PNPLA8: variants seen among roughly 807,000 people sequenced by gnomAD.
The protein encoded by PNPLA8 is patatin like domain 8, phospholipase A2.
In PNPLA8, 39 loss-of-function variants were observed where a neutral mutation model predicts 76.9. The ratio of observed to expected loss-of-function variants is 0.51; its 90% CI spans 0.39 to 0.66. PNPLA8 has a LOEUF of 0.66. PNPLA8 is among the 30% of genes least tolerant of loss of function. PNPLA8 has a pLI of 0.00. For missense variants in PNPLA8, 887 were observed against 918.0 expected, an observed-to-expected ratio of 0.97 and a Z score of 0.44; for synonymous variants, 301 against 307.9, an observed-to-expected ratio of 0.98 and a Z score of 0.24.
Position 108,472,030 on chromosome 7 carries a change from A to G in PNPLA8, c.*371T>C, listed in dbSNP as rs935637027. 3 of 154,806 alleles carry G rather than the reference A, an allele frequency of 1.9e-5. No homozygotes were observed. Among genetic ancestry groups the G allele is most frequent in the African/African-American group, 7.2e-5 (3 of 41,578 alleles). 9.6% of individuals were successfully genotyped at this position (154,806 alleles called of 1,614,324 possible). A position where few individuals can be genotyped will look rare whatever the true frequency, so the allele number is the denominator to read the frequency against. On this transcript the variant is annotated 3_prime_UTR_variant, in exon 11 of 11. Coordinates refer to ENST00000257694, the MANE Select transcript of PNPLA8 (RefSeq NM_001256007.3). ...TAAAATCAATGATCACATAAATTCA[A>G]CATGATTATGAGGACTAAAGTAAAA... is the stretch of plus-strand genomic sequence containing the variant.
At chr7:108,523,149 A>G (rs1467564163) in intron 1 of PNPLA8, among the ~76,000 whole-genome samples, 3 of 152,244 alleles carry the variant, frequency 2.0e-5, no homozygotes, top group Non-Finnish European at 4.4e-5. Context: ...GGCTGGGACC[A>G]AACACTTAGA....
chr7:108,482,493 A>T (rs1239915643), intron 9 of PNPLA8, among the ~76,000 whole-genome samples: 2 of 152,198 alleles, frequency 1.3e-5, no homozygotes, highest in Non-Finnish European at 2.9e-5. Flanking sequence ...ATAATAAAAT[A>T]GTTTAAACTA....
At chr7:108,510,866 T>C (rs565843192) in intron 4 of PNPLA8, 346 of 1,595,656 alleles carry the variant, frequency 2.2e-4, no homozygotes, top group Non-Finnish European at 2.7e-4. Context: ...GCCCTTCAAA[T>C]TGTCTTCTCC....
chr7:108,525,240 A>G (rs947862755), intron 1 of PNPLA8, among the ~76,000 whole-genome samples: 3 of 152,258 alleles, frequency 2.0e-5, no homozygotes, highest in African/African-American at 7.2e-5. Context: ...TTAATGTTTC[A>G]CTGTTTAACA....
chr7:108,473,466 T>A (rs1400093302), intron 10 of PNPLA8, among the ~76,000 whole-genome samples: 1 of 152,174 alleles, frequency 6.6e-6, no homozygotes, highest in African/African-American at 2.4e-5. Context: ...GTAAAGGGTA[T>A]GCTTATTTTA....
intron 4 of PNPLA8, among the ~76,000 whole-genome samples, chr7:108,504,775 T>C (rs1191049523): frequency 6.6e-6 from 1 of 152,030 alleles, no homozygotes; most frequent in African/African-American, 2.4e-5. Flanking sequence ...AATATACCAG[T>C]GGAACAAAAT....
chr7:108,526,322 G>A (rs770758376), upstream of PNPLA8: 127 of 153,680 alleles, frequency 8.3e-4, no homozygotes, highest in Non-Finnish European at 1.3e-3. Flanking sequence ...GCATGACGGA[G>A]CGCAAGGCGG....
chr7:108,514,851 T>A lies in PNPLA8; in HGVS notation c.641A>T (p.Tyr214Phe), dbSNP rs1863198281. ...FYFLSNHINS[Y>F]FKRKEKMSQQ... ...AGACATTTTTTCCTTACGTTTGAAA[T>A]ATGAATTAATATGATTTGATAAAAA... Residue 214 changes from tyrosine to phenylalanine, a missense_variant, in exon 3 of 11, where the codon TAT becomes TTT. Tyr to Phe is a conservative substitution (Grantham distance 22, BLOSUM62 3). Transcript: ENST00000257694. 1 of 1,610,460 alleles carries A rather than the reference T, an allele frequency of 6.2e-7. No individual in the cohort carries two copies. The highest frequency in any genetic ancestry group is 8.5e-7 in the Non-Finnish European group (1 of 1,177,188).
intron 10 of PNPLA8, among the ~76,000 whole-genome samples, chr7:108,475,723 T>G (rs531130197): frequency 6.6e-6 from 1 of 152,268 alleles, no homozygotes; most frequent in East Asian, 1.9e-4. Flanking sequence ...TTTCTGGTGC[T>G]ATAGAATAGA....
At position 108,473,275 on chromosome 7, in the gene PNPLA8, T is replaced by C. The variant is rs900697203; in HGVS notation, c.2075-600A>G. ...TCAATAGTTCCTTTCTTTTCATTGC[T>C]AAATGGTGTTCCATTGTATAGATAC... On this transcript the variant is annotated intron_variant, in intron 10 of 10. Coordinates refer to ENST00000257694, the MANE Select transcript of PNPLA8 (RefSeq NM_001256007.3). Among the ~76,000 whole-genome samples the C allele has an allele frequency of 3.3e-5, 5 of 152,248 alleles. 1 individual carries two copies. The South Asian group carries it at 8.3e-4, about 25-fold the overall frequency.
chr7:108,514,809 T>C lies in PNPLA8; in HGVS notation c.683A>G (p.Glu228Gly), dbSNP rs151327235. 1.8e-5 allele frequency: 29 copies of C among 1,613,168 alleles called. No individual in the cohort carries two copies. The highest frequency in any genetic ancestry group is 2.5e-5 in the Non-Finnish European group (29 of 1,179,310). The part of the protein sequence containing the change: ...KEKMSQQKEN[E>G]HFRDKSELED... The stretch of plus-strand genomic sequence containing the variant: ...AAGTTCTGATTTGTCCCGGAAATGT[T>C]CATTTTCCTTTTGTTGAGACATTTT... The change falls in exon 3 of 11, where the codon GAA (glutamate) becomes GGA (glycine). Residue 228 changes from glutamate (E) to glycine (G), a missense_variant. By Grantham distance (98) the Glu-to-Gly change is moderately conservative (BLOSUM62 -2). Coordinates refer to ENST00000257694, the MANE Select transcript of PNPLA8 (RefSeq NM_001256007.3).
At position 108,518,533 on chromosome 7, in the gene PNPLA8, A is replaced by G. The variant is rs559767228; in HGVS notation, c.-84+2943T>C. Among the ~76,000 whole-genome samples the G allele has an allele frequency of 3.8e-4, 58 of 152,156 alleles. 1 individual carries two copies. Among genetic ancestry groups the G allele is most frequent in the African/African-American group, 1.4e-3 (57 of 41,504 alleles). On this transcript the variant is annotated intron_variant, in intron 2 of 10. Transcript: ENST00000257694. ...GACTGCGTGTGAATGCAGGCTCATC[A>G]ATTATAATAACTGTACCACTCTGGT...
At position 108,470,642 on chromosome 7, in the gene PNPLA8, G is replaced by T. The variant is rs1477467537; in HGVS notation, c.*1759C>A. On this transcript the variant is annotated 3_prime_UTR_variant, in exon 11 of 11. Transcript: ENST00000257694. ...GAAATATTCTGATTTCCAATTATTT[G>T]TTTTTTTCTTGCATTTACAAGTTGT... 1 of 151,776 alleles carries T rather than the reference G, an allele frequency of 6.6e-6. No individual in the cohort carries two copies. The highest frequency in any genetic ancestry group is 6.6e-5 in the Admixed American group (1 of 15,240). The allele number at this position is 151,776 out of a possible 1,614,324, so 9.4% of individuals were successfully genotyped here. A position where few individuals can be genotyped will look rare whatever the true frequency, so the allele number is the denominator to read the frequency against.
chr7:108,472,767 C>T, intron 10 of PNPLA8, 92 bp from the exon 11 acceptor site: 5 of 889,600 alleles, frequency 5.6e-6, no homozygotes, highest in Non-Finnish European at 8.2e-6. Context: ...TTAAAATTAA[C>T]TTCTTTTTAG....
intron 4 of PNPLA8, chr7:108,510,302 T>G (rs1862815601): frequency 6.3e-7 from 1 of 1,588,748 alleles, no homozygotes; most frequent in Admixed American, 1.7e-5. Context: ...GCGAAGGAAT[T>G]TCTCAGAGCT....
chr7:108,513,935 T>C (rs1598959173), intron 4 of PNPLA8, among the ~76,000 whole-genome samples: 1 of 152,206 alleles, frequency 6.6e-6, no homozygotes, highest in East Asian at 1.9e-4. Context: ...AATTTCAAAG[T>C]ATACATATTG....
At chr7:108,504,842 C>T (rs1166267360) in intron 4 of PNPLA8, among the ~76,000 whole-genome samples, 1 of 151,834 alleles carries the variant, frequency 6.6e-6, no homozygotes, top group African/African-American at 2.4e-5. Context: ...TTTGGGAAGC[C>T]GAGGTGGGTG....
chr7:108,495,361 T>C (rs968123721), intron 7 of PNPLA8, among the ~76,000 whole-genome samples: 1 of 152,168 alleles, frequency 6.6e-6, no homozygotes, highest in African/African-American at 2.4e-5. Context: ...TGAAGAACCA[T>C]TAATATATGT....
Position 108,514,425 on chromosome 7 carries a change from GAAC to G in PNPLA8, c.1056+8_1056+10del, listed in dbSNP as rs1563981598. 3.1e-6 allele frequency: 5 copies of G among 1,593,854 alleles called. No individual in the cohort carries two copies. Among genetic ancestry groups the G allele is most frequent in the Non-Finnish European group, 4.3e-6 (5 of 1,170,710 alleles). On this transcript the variant is annotated splice_region_variant and intron_variant, in intron 3 of 10. Coordinates refer to ENST00000257694, the MANE Select transcript of PNPLA8 (RefSeq NM_001256007.3). ...AAGTAATAGAACCGAAAAGCACACT[GAAC>G]AACTTGCCTTTTCTCGCTGAAGAGA...
Sources: allele counts gnomAD v4.1 joint callset (sites outside exome capture counted in the v4.1 genomes callset), GRCh38; gene constraint gnomAD v4.1.1; transcripts MANE v1.5; gene names NCBI Gene and HGNC (gene_info 2026-07-23, HGNC 2026-07-21).